Variants in MCM4 observed in about 807,000 individuals in gnomAD.
MCM4 encodes minichromosome maintenance complex component 4.
A neutral mutation model predicts 88.7 loss-of-function variants in MCM4; 60 were observed. The observed-to-expected ratio is 0.68, with a 90% CI of 0.55 to 0.84. The LOEUF is 0.84. MCM4 is among the 40% of genes least tolerant of loss of function. MCM4 has a pLI of 0.00. For synonymous variants in MCM4, 465 were observed against 410.5 expected (o/e 1.13, Z -1.61); for missense variants, 1,149 against 1,105.5 (o/e 1.04, Z -0.56).
chr8:47,966,424 G>A lies in MCM4; in HGVS notation c.1053+17G>A. The A allele has an allele frequency of 6.3e-7, 1 of 1,590,214 alleles. No individual in the cohort carries two copies. Among genetic ancestry groups the A allele is most frequent in the Non-Finnish European group, 8.6e-7 (1 of 1,166,328 alleles). On this transcript the variant is annotated intron_variant, in intron 9 of 16. Coordinates refer to ENST00000649973, the MANE Select transcript of MCM4 (RefSeq NM_182746.3). ...AAGCAGATGGTGCGCAGCCACCCTG[G>A]CCCCCCAGGCTATGCTTTGCCTGTC... is the stretch of plus-strand genomic sequence containing the variant.
chr8:47,961,332 G>A, intron 2 of MCM4, 118 bp downstream of exon 2: 3 of 1,452,634 alleles, frequency 2.1e-6, no homozygotes, highest in East Asian at 2.5e-5. Flanking sequence ...CGGGCTGGGC[G>A]CTGCCGCTTG....
intron 7 of MCM4, 61 bp from the exon 8 acceptor site, chr8:47,964,513 C>G: frequency 6.8e-6 from 9 of 1,318,206 alleles, no homozygotes; most frequent in Non-Finnish European, 7.3e-6. Context: ...ATCTGACATG[C>G]CTTTATTATA....
Position 47,962,251 on chromosome 8 carries a change from G to A in MCM4, c.399+35G>A, listed in dbSNP as rs11993362. On this transcript the variant is annotated intron_variant, in intron 4 of 16. Coordinates refer to ENST00000649973, the MANE Select transcript of MCM4 (RefSeq NM_182746.3). ...CAGTCTCCTGAAACCATCTTATGGC[G>A]GGTATCATGTGGGTAACTCTGTTTT... 1.0e-4 allele frequency: 161 copies of A among 1,613,932 alleles called. 1 individual carries two copies. The East Asian group carries it at 3.0e-3, about 30-fold the overall frequency.
chr8:47,975,058 A>T lies in MCM4; in HGVS notation c.2365+96A>T, dbSNP rs1045326518. The T allele has an allele frequency of 3.2e-5, 32 of 1,015,074 alleles. No individual in the cohort carries two copies. The African/African-American group carries it at 4.2e-4, about 13-fold the overall frequency. 62.9% of individuals were successfully genotyped at this position (1,015,074 alleles called of 1,614,324 possible). ...TTTAAGCTAACAGTTAAATCATTTG[A>T]AACAGAAGTTCTTAACCTTTTTTGG... On this transcript the variant is annotated intron_variant, in intron 15 of 16. Coordinates refer to ENST00000649973, the MANE Select transcript of MCM4 (RefSeq NM_182746.3).
At chr8:47,967,090 G>A (rs1380156860) in intron 9 of MCM4, among the ~76,000 whole-genome samples, 1 of 152,130 alleles carries the variant, frequency 6.6e-6, no homozygotes, top group African/African-American at 2.4e-5. Context: ...GAGGGTACCT[G>A]GTTTGGAAAG....
At chr8:47,966,757 A>T (rs1421419578) in intron 9 of MCM4, among the ~76,000 whole-genome samples, 1 of 152,262 alleles carries the variant, frequency 6.6e-6, no homozygotes, top group Non-Finnish European at 1.5e-5. Flanking sequence ...ATTTTTTCAC[A>T]AATTTTACTG....
intron 3 of MCM4, 96 bp from the exon 4 acceptor site, chr8:47,961,957 G>C: frequency 8.5e-7 from 1 of 1,177,400 alleles, no homozygotes; most frequent in Admixed American, 1.9e-5. Flanking sequence ...TAAATATTCA[G>C]TTTGCTGTTG....
chr8:47,975,173 T>G (rs1021917872), intron 15 of MCM4: 27 of 460,822 alleles, frequency 5.9e-5, no homozygotes, highest in Non-Finnish European at 9.6e-5. Context: ...TTGTGTATAG[T>G]TTTTTTTTGT....
At chr8:47,971,913 C>T (rs889527838) in intron 13 of MCM4, among the ~76,000 whole-genome samples, 3 of 151,208 alleles carry the variant, frequency 2.0e-5, no homozygotes, top group Non-Finnish European at 4.4e-5. Context: ...CCCAAAAAAA[C>T]AGTTGAATGT....
At chr8:47,969,248 T>C (rs923907955) in intron 10 of MCM4, 4 of 155,350 alleles carry the variant, frequency 2.6e-5, no homozygotes, top group African/African-American at 9.7e-5. Flanking sequence ...TTGTTTTGTT[T>C]TGTTTCATTT....
At chr8:47,972,151 C>T (rs1234510688) in intron 13 of MCM4, among the ~76,000 whole-genome samples, 2 of 146,702 alleles carry the variant, frequency 1.4e-5, no homozygotes, top group Admixed American at 7.1e-5. Context: ...ACAAGAATTG[C>T]TTGAGCCTGG....
chr8:47,974,808 A>C lies in MCM4; in HGVS notation c.2211A>C (p.Leu737Phe). The C allele has an allele frequency of 5.0e-6, 8 of 1,614,244 alleles. No homozygotes were observed. The highest frequency in any genetic ancestry group is 5.9e-6 in the Non-Finnish European group (7 of 1,180,048). ...VSAYPRQLESLIRLAEAHAKV... is the reference protein window; with the variant it reads ...VSAYPRQLESFIRLAEAHAKV... ...CATACCCTCGACAGCTAGAGTCATT[A>C]ATCCGCTTAGCAGAAGCCCATGCTA... Residue 737 changes from leucine (L) to phenylalanine (F), a missense_variant, in exon 15 of 17, where the codon TTA becomes TTC. Coordinates refer to ENST00000649973, the MANE Select transcript of MCM4 (RefSeq NM_182746.3).
chr8:47,968,960 C>G (rs1225215767), intron 10 of MCM4: 1 of 152,170 alleles, frequency 6.6e-6, no homozygotes, highest in African/African-American at 2.4e-5. Context: ...GTTTTAATGA[C>G]TGGAGGATTT....
intron 2 of MCM4, 78 bp downstream of exon 2, chr8:47,961,292 G>A (rs900119317): frequency 1.4e-6 from 2 of 1,427,986 alleles, no homozygotes; most frequent in Admixed American, 6.2e-5. Context: ...GCAGCGCTGG[G>A]TGGGTGCGCG....
chr8:47,970,098 C>T (rs776660327), intron 11 of MCM4, 41 bp downstream of exon 11: 1 of 1,599,910 alleles, frequency 6.3e-7, no homozygotes, highest in South Asian at 1.1e-5. Flanking sequence ...ATTTACAATT[C>T]TTTGGGATCA....
In MCM4 at chr8:47,967,480, TTACAGG is replaced by T; in HGVS notation, c.1172_1174+3del. The T allele has an allele frequency of 1.2e-6, 2 of 1,614,174 alleles. No individual in the cohort carries two copies. Among genetic ancestry groups the T allele is most frequent in the Non-Finnish European group, 1.7e-6 (2 of 1,180,006 alleles). Reference sequence around the variant, plus strand: ...GTCCAGCCTGGGGACAGAGTGAATGTTACAGGTAAGAGTGTAGGTTTGCACCAGCAC... The same window carrying T: ...GTCCAGCCTGGGGACAGAGTGAATGTTAAGAGTGTAGGTTTGCACCAGCAC... On this transcript the variant is annotated splice_donor_variant and coding_sequence_variant, in exon 10 of 17. Transcript: ENST00000649973. LOFTEE classifies it high-confidence loss of function.
At position 47,962,787 on chromosome 8, in the gene MCM4, C is replaced by T. The variant is rs201944679; in HGVS notation, c.525C>T (p.Asp175=). ...AGAGATTTCTTCAGCGTTTTATTGA[C>T]CCTCTGGCTAAAGAAGAAGAAAATG... The part of the protein sequence containing the change: ...NFQRFLQRFI[D]PLAKEEENVG... Residue 175 remains aspartate, a synonymous_variant, in exon 6 of 17, where the codon GAC becomes GAT. Coordinates refer to ENST00000649973, the MANE Select transcript of MCM4 (RefSeq NM_182746.3). 1.4e-5 allele frequency: 23 copies of T among 1,608,462 alleles called. No individual in the cohort carries two copies. Among genetic ancestry groups the T allele is most frequent in the South Asian group, 7.8e-5 (7 of 89,336 alleles).
At chr8:47,975,376 G>GTT (rs2090992698) in intron 15 of MCM4, 1 of 144,380 alleles carries the variant, frequency 6.9e-6, no homozygotes, top group African/African-American at 3.1e-5. Flanking sequence ...TCCCCTTCCT[G>GTT]TGTCCGTGTG....
chr8:47,971,817 C>A (rs1464307810), intron 13 of MCM4, among the ~76,000 whole-genome samples: 1 of 152,128 alleles, frequency 6.6e-6, no homozygotes, highest in African/African-American at 2.4e-5. Flanking sequence ...CTTGGCCCCA[C>A]TACAAATATT....
Sources: allele counts gnomAD v4.1 joint callset (sites outside exome capture counted in the v4.1 genomes callset), GRCh38; gene constraint gnomAD v4.1.1; transcripts MANE v1.5; gene names NCBI Gene and HGNC (gene_info 2026-07-23, HGNC 2026-07-21).